The following SLC35F4 variants were observed in gnomAD, a reference collection of about 807,000 sequenced individuals.
The protein encoded by SLC35F4 is chromosome 14 open reading frame 36.
SLC35F4 carries 24 observed loss-of-function variants against 44.2 expected under a neutral mutation model. The ratio of observed to expected loss-of-function variants is 0.54; its 90% CI spans 0.39 to 0.76. The LOEUF (loss-of-function observed/expected upper bound fraction) is 0.76. Among genes scored for constraint, SLC35F4 ranks in the 30% least tolerant of loss-of-function variants. The probability of loss-of-function intolerance (pLI) is 0.00; values close to 1 mark genes in which losing one functional copy is unlikely to be tolerated. For synonymous variants in SLC35F4, 238 were observed against 223.6 expected (o/e 1.06, Z -0.57); for missense variants, 562 against 586.1 (o/e 0.96, Z 0.42).
intron 7 of SLC35F4, among the ~76,000 whole-genome samples, chr14:57,564,896 C>T (rs1186417387): frequency 6.6e-6 from 1 of 152,196 alleles, no homozygotes; most frequent in Non-Finnish European, 1.5e-5. Flanking sequence ...AACTCCTCAG[C>T]TTCTTATCCC....
chr14:57,768,795 C>G (rs138088749), intron 1 of SLC35F4, among the ~76,000 whole-genome samples: 5 of 152,082 alleles, frequency 3.3e-5, no homozygotes, highest in Non-Finnish European at 5.9e-5. Context: ...CTCGGTCGCC[C>G]AGGCTAGAGC....
intron 1 of SLC35F4, among the ~76,000 whole-genome samples, chr14:57,815,104 C>T (rs1159531891): frequency 6.6e-6 from 1 of 152,142 alleles, no homozygotes; most frequent in Non-Finnish European, 1.5e-5. Flanking sequence ...CAAAAGGCAC[C>T]AAATGGCCAG....
chr14:57,973,201 G>A (rs1222228382), downstream of SLC35F4, among the ~76,000 whole-genome samples: 2 of 152,124 alleles, frequency 1.3e-5, no homozygotes, highest in African/African-American at 2.4e-5. Context: ...CCTGTTGTAT[G>A]GTGGTGATAC....
chr14:57,650,034 T>C (rs1353831470), intron 1 of SLC35F4, among the ~76,000 whole-genome samples: 1 of 152,112 alleles, frequency 6.6e-6, no homozygotes, highest in Non-Finnish European at 1.5e-5. Flanking sequence ...GGATACCATA[T>C]CCTCCTGGAG....
At chr14:57,629,980 C>T (rs929163593) in intron 1 of SLC35F4, 3 of 525,116 alleles carry the variant, frequency 5.7e-6, no homozygotes, top group African/African-American at 1.9e-5. Flanking sequence ...TGAAGATTTA[C>T]AGTGTGAACT....
intron 1 of SLC35F4, among the ~76,000 whole-genome samples, chr14:57,728,441 C>CTTTTTTTTTTTTTT (rs869064667): frequency 8.5e-5 from 5 of 59,018 alleles, no homozygotes; most frequent in East Asian, 6.0e-4. Flanking sequence ...TTCTTTCTTT[C>CTTTTTTTTTTTTTT]TTTTTTTTTT....
intron 1 of SLC35F4, among the ~76,000 whole-genome samples, chr14:57,942,094 T>C (rs1889926050): frequency 6.6e-6 from 1 of 152,186 alleles, no homozygotes; most frequent in Non-Finnish European, 1.5e-5. Context: ...CAATCCTGGT[T>C]AGAGAGATGC....
chr14:57,814,860 G>A (rs11844500), intron 1 of SLC35F4, among the ~76,000 whole-genome samples: 31,533 of 152,094 alleles, frequency 0.21, 4,837 homozygotes, highest in African/African-American at 0.44. Flanking sequence ...GATGCTTGCC[G>A]TGGAAACTGA....
chr14:57,938,574 T>C (rs1431647209), intron 1 of SLC35F4, among the ~76,000 whole-genome samples: 2 of 152,084 alleles, frequency 1.3e-5, no homozygotes, highest in African/African-American at 4.8e-5. Flanking sequence ...AAAGAAAAAA[T>C]GTTAAGGTGT....
chr14:57,674,822 A>C (rs1020826628), intron 1 of SLC35F4, among the ~76,000 whole-genome samples: 1 of 152,108 alleles, frequency 6.6e-6, no homozygotes, highest in African/African-American at 2.4e-5. Context: ...TGACATGAAG[A>C]GGGCCAAGTG....
At chr14:57,647,190 T>C (rs1385640057) in intron 1 of SLC35F4, among the ~76,000 whole-genome samples, 1 of 151,034 alleles carries the variant, frequency 6.6e-6, no homozygotes, top group East Asian at 2.0e-4. Context: ...TGACTTTCTG[T>C]CTCGTTGATC....
At chr14:57,847,961 T>C (rs185780969) in intron 1 of SLC35F4, among the ~76,000 whole-genome samples, 137 of 152,248 alleles carry the variant, frequency 9.0e-4, no homozygotes, top group African/African-American at 3.2e-3. Context: ...TTCACTAAAA[T>C]AACGATGAAT....
In SLC35F4 at chr14:57,865,784, C is replaced by T; in HGVS notation, c.42G>A (p.Glu14=). 1 of 1,523,074 alleles carries T rather than the reference C, an allele frequency of 6.6e-7. No homozygotes were observed. The highest frequency in any genetic ancestry group is 8.8e-7 in the Non-Finnish European group (1 of 1,141,794). 94.3% of individuals were successfully genotyped at this position (1,523,074 alleles called of 1,614,324 possible). ...AGCCGGTGATCCGCAGGATCCGGTC[C>T]TCGATAGTGGCCACCCCGTTGGGGG... ...KAAPNGVATI[E]DRILRITGYY... is the part of the protein sequence containing the mutation. The change falls in exon 1 of 8, where the codon GAG becomes GAA. Residue 14 remains glutamate, a synonymous_variant. Coordinates refer to ENST00000556826, the MANE Select transcript of SLC35F4 (RefSeq NM_001306087.2).
At chr14:57,650,811 G>T (rs2140199408) in intron 1 of SLC35F4, among the ~76,000 whole-genome samples, 1 of 152,150 alleles carries the variant, frequency 6.6e-6, no homozygotes, top group South Asian at 2.1e-4. Flanking sequence ...TCACTCACTG[G>T]TTCTGTGTAG....
intron 1 of SLC35F4, among the ~76,000 whole-genome samples, chr14:57,741,583 CTA>C (rs776835175): frequency 2.6e-5 from 4 of 152,058 alleles, no homozygotes; most frequent in Non-Finnish European, 4.4e-5. Flanking sequence ...AGAAATGAGA[CTA>C]TGTAAAAAGA....
At chr14:57,898,140 T>C (rs1478500689) in intron 1 of SLC35F4, among the ~76,000 whole-genome samples, 2 of 152,198 alleles carry the variant, frequency 1.3e-5, no homozygotes, top group East Asian at 1.9e-4. Context: ...TGTATTTATA[T>C]AGTCAGGTTT....
At chr14:57,808,846 T>C (rs1881644232) in intron 1 of SLC35F4, among the ~76,000 whole-genome samples, 3 of 152,208 alleles carry the variant, frequency 2.0e-5, no homozygotes, top group African/African-American at 7.2e-5. Context: ...TAACTGCTGA[T>C]AAGTCAGTAT....
At chr14:57,756,980 A>C (rs2077009752) in intron 1 of SLC35F4, among the ~76,000 whole-genome samples, 1 of 152,172 alleles carries the variant, frequency 6.6e-6, no homozygotes, top group South Asian at 2.1e-4. Context: ...TCAATTATTT[A>C]GAAAGGGATA....
intron 1 of SLC35F4, among the ~76,000 whole-genome samples, chr14:57,977,815 G>A (rs1881262677): frequency 6.6e-6 from 1 of 152,158 alleles, no homozygotes; most frequent in South Asian, 2.1e-4. Flanking sequence ...CCCCAGGCAG[G>A]AGTGGCCCCG....
Sources: allele counts gnomAD v4.1 joint callset (sites outside exome capture counted in the v4.1 genomes callset), GRCh38; gene constraint gnomAD v4.1.1; transcripts MANE v1.5; gene names NCBI Gene and HGNC (gene_info 2026-07-23, HGNC 2026-07-21).